The following SNX31 variants were observed in gnomAD, a reference collection of about 807,000 sequenced individuals.
SNX31 encodes sorting nexin 31.
Under a neutral mutation model 65.4 loss-of-function variants are expected in SNX31, and 58 were observed. That is an observed-to-expected ratio of 0.89 (90% CI 0.72 to 1.10). The LOEUF is 1.10. Among genes scored for constraint, SNX31 ranks in the 50% least tolerant of loss-of-function variants. The probability of loss-of-function intolerance (pLI) is 0.00; values close to 1 mark genes in which losing one functional copy is unlikely to be tolerated. For missense variants in SNX31, 523 were observed against 529.7 expected (o/e 0.99, Z 0.12); for synonymous variants, 181 against 190.1 (o/e 0.95, Z 0.39).
At chr8:100,654,379 G>A (rs533723480), upstream of SNX31, among the ~76,000 whole-genome samples, 1 of 152,124 alleles carries the variant, frequency 6.6e-6, no homozygotes, top group Non-Finnish European at 1.5e-5. Flanking sequence ...TAACTCACCC[G>A]AAGTCACACA....
At position 100,581,172 on chromosome 8, in the gene SNX31, G is replaced by A. The variant is rs1342438468; in HGVS notation, c.1170+2939C>T. ...AAATTAGCTGGGTGTGGTGGCACAT[G>A]CCAGTGGTCCCAGCTACTTGGGAGA... On this transcript the variant is annotated intron_variant, in intron 12 of 13. Transcript: ENST00000311812. Among the ~76,000 whole-genome samples, 5 of 151,356 alleles carry A rather than the reference G, an allele frequency of 3.3e-5. No homozygotes were observed. The East Asian group carries it at 7.7e-4, about 23-fold the overall frequency.
chr8:100,657,452 C>CAAA (rs34516016), intron 1 of SNX31, among the ~76,000 whole-genome samples: 249 of 102,440 alleles, frequency 2.4e-3, no homozygotes, highest in African/African-American at 8.1e-3. Context: ...AACTCCAACT[C>CAAA]AAAAAAAAAA....
At chr8:100,598,053 C>T (rs1173113692) in intron 9 of SNX31, among the ~76,000 whole-genome samples, 1 of 152,198 alleles carries the variant, frequency 6.6e-6, no homozygotes. Context: ...GTAACTCACA[C>T]CTCCTTTACA....
Position 100,612,920 on chromosome 8 carries a change from T to TGTGA in SNX31, c.523+71_523+74dup. ...CCCAGTGGGTGGCCAGCCCCTCAGC[T>TGTGA]GTGACTCCTATGAGCCCCTGCTCAC... is the stretch of plus-strand genomic sequence containing the variant. On this transcript the variant is annotated intron_variant, in intron 6 of 13. Coordinates refer to ENST00000311812, the MANE Select transcript of SNX31 (RefSeq NM_152628.4). The surrounding 1 kb of genome is among the most constrained non-coding windows in gnomAD (Gnocchi z 4.3). 1 of 1,290,552 alleles carries TGTGA rather than the reference T, an allele frequency of 7.7e-7. No individual in the cohort carries two copies. Among genetic ancestry groups the TGTGA allele is most frequent in the Non-Finnish European group, 1.1e-6 (1 of 886,296 alleles). The allele number at this position is 1,290,552 out of a possible 1,614,324, so 79.9% of individuals were successfully genotyped here.
intron 2 of SNX31, among the ~76,000 whole-genome samples, chr8:100,643,958 A>T (rs1819449726): frequency 6.6e-6 from 1 of 152,180 alleles, no homozygotes; most frequent in Non-Finnish European, 1.5e-5. Flanking sequence ...ATCAAGGAGG[A>T]CTTCCTGGAG....
intron 12 of SNX31, among the ~76,000 whole-genome samples, chr8:100,580,161 A>C (rs1407027391): frequency 6.6e-6 from 1 of 151,430 alleles, no homozygotes; most frequent in African/African-American, 2.4e-5. Context: ...GTCTTTAAAA[A>C]AAAAAAAAAA....
rs149800532 is a variant in SNX31 at position 100,578,623 on chromosome 8, A to G, written c.1171-1548T>C. ...ATTGCTTTAAGGAGGTATGCATAAG[A>G]CTTCCTTTAGGTTAGTATTCTTAAT... On this transcript the variant is annotated intron_variant, in intron 12 of 13. Coordinates refer to ENST00000311812, the MANE Select transcript of SNX31 (RefSeq NM_152628.4). The surrounding 1 kb of genome is among the most constrained non-coding windows in gnomAD (Gnocchi z 4.7). Among the ~76,000 whole-genome samples the G allele has an allele frequency of 0.015, 2,232 of 152,084 alleles. 27 individuals carry two copies. The highest frequency in any genetic ancestry group is 0.023 in the Non-Finnish European group (1,534 of 67,970).
chr8:100,600,205 A>G, intron 9 of SNX31, 144 bp downstream of exon 9: 1 of 663,072 alleles, frequency 1.5e-6, no homozygotes, highest in East Asian at 2.8e-5. Context: ...TACTCAGAAC[A>G]ATCAATGAAG....
chr8:100,577,161 C>A, intron 12 of SNX31, 86 bp from the exon 13 acceptor site: 1 of 1,159,582 alleles, frequency 8.6e-7, no homozygotes, highest in Middle Eastern at 2.0e-4. Context: ...CTTTCCCTTC[C>A]ACGATAATCC....
intron 2 of SNX31, among the ~76,000 whole-genome samples, chr8:100,639,916 A>G (rs1377136079): frequency 6.6e-6 from 1 of 152,228 alleles, no homozygotes; most frequent in Non-Finnish European, 1.5e-5. Context: ...AATGAAAAAA[A>G]CAAATCAGGA....
At chr8:100,649,372 C>T (rs1366727927) in intron 1 of SNX31, 24 bp from the exon 2 acceptor site, 3 of 1,612,958 alleles carry the variant, frequency 1.9e-6, no homozygotes, top group South Asian at 1.1e-5. Context: ...GACACCCCGT[C>T]CCTGGTGAGC....
rs1813212012 is a variant in SNX31, at chr8:100,578,267, T to C, written c.1171-1192A>G. On this transcript the variant is annotated intron_variant, in intron 12 of 13. Transcript: ENST00000311812. This position sits in a 1 kb window ranked among gnomAD's most constrained non-coding sequence, Gnocchi z 4.7. ...TGGGGAAAGAGTTCTTAGACTCTTC[T>C]TAATGGGAAAGAAAAGAACTGCTAT... 6.6e-6 allele frequency among the ~76,000 whole-genome samples: 1 copy of C among 152,198 alleles called. No individual in the cohort carries two copies. The highest frequency in any genetic ancestry group is 2.4e-5 in the African/African-American group (1 of 41,454).
intron 2 of SNX31, among the ~76,000 whole-genome samples, chr8:100,637,752 G>A (rs1451860630): frequency 1.3e-5 from 2 of 152,238 alleles, no homozygotes; most frequent in East Asian, 1.9e-4. Context: ...CTGGAGTGCA[G>A]TGGCATGATC....
rs10652417 is a variant in SNX31, at chr8:100,631,437, C to CTTTT, written c.257-1050_257-1047dup. 4.9e-3 allele frequency among the ~76,000 whole-genome samples: 629 copies of CTTTT among 129,604 alleles called. 13 individuals are homozygous for CTTTT. Among genetic ancestry groups the CTTTT allele is most frequent in the African/African-American group, 0.018 (592 of 32,594 alleles). 85.0% of individuals were successfully genotyped at this position (129,604 alleles called of 152,430 possible). A position where few individuals can be genotyped will look rare whatever the true frequency, so the allele number is the denominator to read the frequency against. Reference sequence around the variant, plus strand: ...TCCTTCTGTTTTCATTGCTGTTTTACTTTTTTTTTTTTTTTTTTGAGATGG... The same window carrying CTTTT: ...TCCTTCTGTTTTCATTGCTGTTTTACTTTTTTTTTTTTTTTTTTTTTTGAGATGG... On this transcript the variant is annotated intron_variant, in intron 3 of 13. Transcript: ENST00000311812.
At chr8:100,637,662 C>T (rs922031390) in intron 2 of SNX31, among the ~76,000 whole-genome samples, 5 of 152,148 alleles carry the variant, frequency 3.3e-5, no homozygotes, top group African/African-American at 9.7e-5. Context: ...TCAGTCTATT[C>T]CTAACACAGC....
In SNX31 at chr8:100,630,432, G is replaced by A; in HGVS notation, c.257-41C>T. 1 of 1,569,120 alleles carries A rather than the reference G, an allele frequency of 6.4e-7. No individual in the cohort carries two copies. Among genetic ancestry groups the A allele is most frequent in the Non-Finnish European group, 8.7e-7 (1 of 1,148,946 alleles). On this transcript the variant is annotated intron_variant, in intron 3 of 13. Coordinates refer to ENST00000311812, the MANE Select transcript of SNX31 (RefSeq NM_152628.4). This position sits in a 1 kb window ranked among gnomAD's most constrained non-coding sequence, Gnocchi z 5.3. ...GGTGAGCCAGGTTAGCATGGGCTGG[G>A]CTGGGCCCTGCCTATTAATTGCTAT...
At chr8:100,616,109 T>C (rs1817177156) in intron 5 of SNX31, among the ~76,000 whole-genome samples, 1 of 152,104 alleles carries the variant, frequency 6.6e-6, no homozygotes, top group Non-Finnish European at 1.5e-5. Flanking sequence ...TACAGTAAAA[T>C]ATTGTATCAT....
chr8:100,611,882 T>C, intron 7 of SNX31, 118 bp downstream of exon 7: 2 of 765,100 alleles, frequency 2.6e-6, no homozygotes, highest in South Asian at 1.7e-5. Context: ...GAGCCTTCTC[T>C]AAGTTCTTGG....
chr8:100,603,440 T>TC (rs1815834725), intron 8 of SNX31, among the ~76,000 whole-genome samples: 1 of 151,282 alleles, frequency 6.6e-6, no homozygotes, highest in Non-Finnish European at 1.5e-5. Flanking sequence ...TCATTACCTT[T>TC]TTTTTTTTTT....
Sources: allele counts gnomAD v4.1 joint callset (sites outside exome capture counted in the v4.1 genomes callset), GRCh38; gene constraint gnomAD v4.1.1; non-coding constraint Gnocchi (gnomAD v3.1); transcripts MANE v1.5; gene names NCBI Gene and HGNC (gene_info 2026-07-23, HGNC 2026-07-21).